The following ATP2A2 variants were observed in gnomAD, a reference collection of about 807,000 sequenced individuals.
ATP2A2 encodes the protein ATPase sarcoplasmic/endoplasmic reticulum Ca2+ transporting 2.
Under a neutral mutation model 109.3 loss-of-function variants are expected in ATP2A2, and 14 were observed. The observed-to-expected ratio is 0.13, with a 90% confidence interval of 0.08 to 0.20. ATP2A2 has a LOEUF of 0.20. ATP2A2 is among the 10% of genes least tolerant of loss of function. The probability of loss-of-function intolerance (pLI) is 1.00; values close to 1 mark genes in which losing one functional copy is unlikely to be tolerated. For synonymous variants in ATP2A2, 506 were observed against 490.9 expected, an observed-to-expected ratio of 1.03 and a Z score of -0.41; for missense variants, 657 against 1,321.6, an observed-to-expected ratio of 0.50 and a Z score of 7.80.
chr12:110,350,219 C>G lies in ATP2A2; in HGVS notation c.*3749C>G, dbSNP rs375124320. 8.1e-6 allele frequency: 13 copies of G among 1,613,874 alleles called. No homozygotes were observed. In the Admixed American group the frequency reaches 1.8e-4, roughly 23 times the overall value. ...TTCATCTGTCGCTGTTGATCTTCAT[C>G]TATTTAAATAGGTATTCTAACGTTT... On this transcript the variant is annotated 3_prime_UTR_variant, in exon 20 of 20. Transcript: ENST00000539276.
intron 5 of ATP2A2, among the ~76,000 whole-genome samples, chr12:110,316,996 T>A (rs562205974): frequency 6.6e-6 from 1 of 152,132 alleles, no homozygotes; most frequent in Non-Finnish European, 1.5e-5. Context: ...AAGAAACAGA[T>A]TGGGAGCAAA....
At chr12:110,320,942 GT>G (rs1432153569) in intron 5 of ATP2A2, among the ~76,000 whole-genome samples, 1 of 152,226 alleles carries the variant, frequency 6.6e-6, no homozygotes, top group Non-Finnish European at 1.5e-5. Flanking sequence ...AAGAAGTTCA[GT>G]GTTGGCTGGG....
chr12:110,320,095 AC>A (rs1319438816), intron 5 of ATP2A2, among the ~76,000 whole-genome samples: 2 of 152,292 alleles, frequency 1.3e-5, no homozygotes, highest in East Asian at 3.9e-4. Flanking sequence ...GGTATTTCTT[AC>A]CTGAAAAATA....
At chr12:110,330,013 A>G (rs1347913092) in intron 8 of ATP2A2, 1 of 152,244 alleles carries the variant, frequency 6.6e-6, no homozygotes, top group Non-Finnish European at 1.5e-5. Flanking sequence ...GCTAGGTTAG[A>G]TTACAAAACT....
At position 110,347,574 on chromosome 12, in the gene ATP2A2, G is replaced by A; in HGVS notation, c.*1104G>A. On this transcript the variant is annotated 3_prime_UTR_variant, in exon 20 of 20. Transcript: ENST00000539276. Reference sequence around the variant, plus strand: ...AACATAAGGGCAAGTGTGTATGTGTGTGTATGTGTGTGTTTTGTAAAATCT... The same window carrying A: ...AACATAAGGGCAAGTGTGTATGTGTATGTATGTGTGTGTTTTGTAAAATCT... The A allele has an allele frequency of 4.0e-6, 5 of 1,252,456 alleles. No individual in the cohort carries two copies. The highest frequency in any genetic ancestry group is 4.1e-6 in the Non-Finnish European group (4 of 967,378). The allele number at this position is 1,252,456 out of a possible 1,614,324, so 77.6% of individuals were successfully genotyped here. A position where few individuals can be genotyped will look rare whatever the true frequency, so the allele number is the denominator to read the frequency against.
intron 5 of ATP2A2, 61 bp from the exon 6 acceptor site, chr12:110,322,931 C>G: frequency 8.5e-7 from 1 of 1,176,110 alleles, no homozygotes; most frequent in Non-Finnish European, 1.3e-6. Context: ...ACAAATTCAT[C>G]TTTAGATAAC....
chr12:110,289,212 G>A (rs1378271422), intron 3 of ATP2A2, among the ~76,000 whole-genome samples: 4 of 152,182 alleles, frequency 2.6e-5, no homozygotes, highest in Non-Finnish European at 4.4e-5. Context: ...TTATCTTACA[G>A]TTGCTAATGC....
In ATP2A2 at chr12:110,349,106, C is replaced by T; in HGVS notation, c.*2636C>T. 2.0e-6 allele frequency: 2 copies of T among 985,506 alleles called. No homozygotes were observed. Among genetic ancestry groups the T allele is most frequent in the Non-Finnish European group, 2.4e-6 (2 of 829,978 alleles). 61.0% of individuals were successfully genotyped at this position (985,506 alleles called of 1,614,324 possible). The stretch of plus-strand genomic sequence containing the variant: ...AGGGACCCACTTCCCTTGGTCCAGA[C>T]AGCTGGGAGTGGGTTAGGCCCACTG... On this transcript the variant is annotated 3_prime_UTR_variant, in exon 20 of 20. Coordinates refer to ENST00000539276, the MANE Select transcript of ATP2A2 (RefSeq NM_170665.4).
Position 110,347,583 on chromosome 12 carries a change from T to C in ATP2A2, c.*1113T>C, listed in dbSNP as rs1236502002. ...GCAAGTGTGTATGTGTGTGTATGTG[T>C]GTGTTTTGTAAAATCTGTAAATAGC... On this transcript the variant is annotated 3_prime_UTR_variant, in exon 20 of 20. Transcript: ENST00000539276. 8.0e-7 allele frequency: 1 copy of C among 1,246,994 alleles called. No individual in the cohort carries two copies. Among genetic ancestry groups the C allele is most frequent in the Non-Finnish European group, 1.0e-6 (1 of 965,168 alleles). The allele number at this position is 1,246,994 out of a possible 1,614,324, so 77.2% of individuals were successfully genotyped here. A position where few individuals can be genotyped will look rare whatever the true frequency, so the allele number is the denominator to read the frequency against.
chr12:110,332,304 T>G, intron 8 of ATP2A2: 2 of 414,064 alleles, frequency 4.8e-6, no homozygotes, highest in Non-Finnish European at 9.0e-6. Context: ...TTGTGTGGGT[T>G]GTTGTGTCTT....
chr12:110,345,053 A>C, intron 17 of ATP2A2, 82 bp downstream of exon 17: 4 of 1,519,038 alleles, frequency 2.6e-6, no homozygotes, highest in Non-Finnish European at 3.7e-6. Context: ...GTATCTATCA[A>C]ATCATCTTAA....
At chr12:110,300,066 C>A (rs1176725773) in intron 5 of ATP2A2, among the ~76,000 whole-genome samples, 3 of 150,996 alleles carry the variant, frequency 2.0e-5, no homozygotes, top group African/African-American at 7.3e-5. Flanking sequence ...TAAAGCAGCT[C>A]CTTCCGTCAG....
chr12:110,345,482 C>G (rs1331950193), intron 18 of ATP2A2, 100 bp downstream of exon 18: 6 of 1,538,676 alleles, frequency 3.9e-6, no homozygotes, highest in Non-Finnish European at 5.4e-6. Flanking sequence ...CAGGACAGTT[C>G]TTCCCTTCCC....
chr12:110,348,227 C>G lies in ATP2A2; in HGVS notation c.*1757C>G, dbSNP rs1038915327. The G allele has an allele frequency of 5.1e-6, 5 of 985,282 alleles. No homozygotes were observed. Among genetic ancestry groups the G allele is most frequent in the Non-Finnish European group, 6.0e-6 (5 of 829,946 alleles). 61.0% of individuals were successfully genotyped at this position (985,282 alleles called of 1,614,324 possible). A position where few individuals can be genotyped will look rare whatever the true frequency, so the allele number is the denominator to read the frequency against. On this transcript the variant is annotated 3_prime_UTR_variant, in exon 20 of 20. Coordinates refer to ENST00000539276, the MANE Select transcript of ATP2A2 (RefSeq NM_170665.4). ...AACTGAACCAGTGAACTCTGGGTAT[C>G]GATAGGTTCGTCTTAAATAGGCCAC...
chr12:110,348,608 TGTAA>T lies in ATP2A2; in HGVS notation c.*2145_*2148del, dbSNP rs773678424. The T allele has an allele frequency of 1.6e-5, 16 of 985,250 alleles. No homozygotes were observed. The highest frequency in any genetic ancestry group is 3.5e-5 in the African/African-American group (2 of 57,184). 61.0% of individuals were successfully genotyped at this position (985,250 alleles called of 1,614,324 possible). A position where few individuals can be genotyped will look rare whatever the true frequency, so the allele number is the denominator to read the frequency against. ...GTGGTTGGGTGTGGTGGCTCATGCC[TGTAA>T]GTAAGTCTCAGCCCTTTGGAGGCCA... On this transcript the variant is annotated 3_prime_UTR_variant, in exon 20 of 20. Coordinates refer to ENST00000539276, the MANE Select transcript of ATP2A2 (RefSeq NM_170665.4).
intron 5 of ATP2A2, among the ~76,000 whole-genome samples, chr12:110,316,560 G>A (rs1053187458): frequency 6.6e-6 from 1 of 152,172 alleles, no homozygotes; most frequent in African/African-American, 2.4e-5. Context: ...TTCATTGACA[G>A]ATATTTTATT....
chr12:110,284,443 G>A (rs3026442), intron 3 of ATP2A2, among the ~76,000 whole-genome samples: 2 of 152,228 alleles, frequency 1.3e-5, no homozygotes, highest in African/African-American at 4.8e-5. Flanking sequence ...TGTGTTACAA[G>A]TTGAAGCAGT....
At chr12:110,345,007 G>A in intron 17 of ATP2A2, 36 bp downstream of exon 17, 1 of 1,604,046 alleles carries the variant, frequency 6.2e-7, no homozygotes, top group Non-Finnish European at 8.5e-7. Context: ...CCTTACATGA[G>A]AAGTGTTGTG....
intron 1 of ATP2A2, 154 bp downstream of exon 1, chr12:110,282,061 A>G (rs1592782697): frequency 5.5e-6 from 3 of 542,424 alleles, no homozygotes; most frequent in South Asian, 5.1e-5. Context: ...CGGGAGAGAA[A>G]GGGGCTGCGG....
Sources: allele counts gnomAD v4.1 joint callset (sites outside exome capture counted in the v4.1 genomes callset), GRCh38; gene constraint gnomAD v4.1.1; transcripts MANE v1.5; gene names NCBI Gene and HGNC (gene_info 2026-07-23, HGNC 2026-07-21).